The following PDE3B variants were observed in gnomAD, a reference collection of about 807,000 sequenced individuals.
PDE3B encodes the protein cGMP-inhibited 3',5'-cyclic phosphodiesterase 3B.
A neutral mutation model predicts 116.8 loss-of-function variants in PDE3B; 66 were observed. That is an observed-to-expected ratio of 0.56 (90% CI 0.46 to 0.69). The LOEUF (loss-of-function observed/expected upper bound fraction) is 0.69, where lower values mean the gene tolerates loss of function less well. Among genes scored for constraint, PDE3B ranks in the 30% least tolerant of loss-of-function variants. The pLI is 0.00. For synonymous variants in PDE3B, 595 were observed against 533.6 expected, an observed-to-expected ratio of 1.12 and a Z score of -1.59; for missense variants, 1,384 against 1,368.1, an observed-to-expected ratio of 1.01 and a Z score of -0.18.
chr11:14,694,286 T>C (rs534046586), intron 1 of PDE3B, among the ~76,000 whole-genome samples: 5 of 152,256 alleles, frequency 3.3e-5, no homozygotes, highest in East Asian at 1.9e-4. Flanking sequence ...TTTGAGAAAA[T>C]TGACTCCAAT....
intron 5 of PDE3B, among the ~76,000 whole-genome samples, chr11:14,805,920 T>C (rs1858905668): frequency 1.3e-5 from 2 of 152,094 alleles, no homozygotes; most frequent in South Asian, 2.1e-4. Context: ...ATCAGAGAAA[T>C]GCAAATCAAA....
chr11:14,742,359 T>C (rs184108155), intron 1 of PDE3B, among the ~76,000 whole-genome samples: 1 of 152,318 alleles, frequency 6.6e-6, no homozygotes, highest in African/African-American at 2.4e-5. Context: ...ATATCCTTTC[T>C]TCCACTTGAT....
chr11:14,677,905 G>T (rs1182282800), intron 1 of PDE3B, among the ~76,000 whole-genome samples: 2 of 152,148 alleles, frequency 1.3e-5, no homozygotes, highest in Non-Finnish European at 2.9e-5. Context: ...TTGATTGGAT[G>T]TACCTGTTTA....
intron 1 of PDE3B, among the ~76,000 whole-genome samples, chr11:14,658,739 A>G (rs145287467): frequency 4.2e-4 from 64 of 152,122 alleles, no homozygotes; most frequent in Non-Finnish European, 8.1e-4. Flanking sequence ...GCCTTTGTTC[A>G]TTTGTTTCTT....
At chr11:14,735,966 G>C (rs1856586286) in intron 1 of PDE3B, among the ~76,000 whole-genome samples, 1 of 148,932 alleles carries the variant, frequency 6.7e-6, no homozygotes, top group East Asian at 1.9e-4. Flanking sequence ...GGTTGTGTGT[G>C]TGTGTGTGTG....
At chr11:14,778,033 C>T (rs538115271) in intron 2 of PDE3B, among the ~76,000 whole-genome samples, 3 of 152,258 alleles carry the variant, frequency 2.0e-5, no homozygotes, top group East Asian at 1.9e-4. Flanking sequence ...GTGCCTGGCT[C>T]GGGGGGTTCC....
chr11:14,787,650 A>AT (rs1227576501), intron 3 of PDE3B, among the ~76,000 whole-genome samples: 2 of 151,868 alleles, frequency 1.3e-5, no homozygotes, highest in African/African-American at 4.8e-5. Flanking sequence ...TGATACTTTT[A>AT]TTTTTTTAAA....
the PDE3B span, chr11:14,885,977 T>C: frequency 4.5e-6 from 7 of 1,544,540 alleles, no homozygotes; most frequent in South Asian, 7.8e-5. Context: ...AATATAACCA[T>C]GGAAATCTAC....
At chr11:14,741,271 G>A (rs1268218007) in intron 1 of PDE3B, among the ~76,000 whole-genome samples, 1 of 152,092 alleles carries the variant, frequency 6.6e-6, no homozygotes, top group South Asian at 2.1e-4. Flanking sequence ...TTGGTATTAT[G>A]AATCTGGGTG....
chr11:14,681,779 T>C (rs1854717570), intron 1 of PDE3B, among the ~76,000 whole-genome samples: 1 of 152,172 alleles, frequency 6.6e-6, no homozygotes, highest in Admixed American at 6.5e-5. Flanking sequence ...AATTCACTTA[T>C]TAGTTCTAGA....
At chr11:14,738,390 T>C (rs917990072) in intron 1 of PDE3B, among the ~76,000 whole-genome samples, 4 of 152,266 alleles carry the variant, frequency 2.6e-5, no homozygotes, top group Admixed American at 2.6e-4. Context: ...CTTTCTGTCA[T>C]ATGTCTGTTG....
intron 1 of PDE3B, among the ~76,000 whole-genome samples, chr11:14,711,211 A>G (rs1351339216): frequency 1.3e-5 from 2 of 152,226 alleles, no homozygotes; most frequent in Non-Finnish European, 2.9e-5. Context: ...CTCTGATTAA[A>G]GATATAATGG....
rs781883242 is a variant in PDE3B at position 14,859,239 on chromosome 11, A to G, written c.2717A>G (p.Asn906Ser). 1.9e-6 allele frequency: 3 copies of G among 1,607,892 alleles called. No individual in the cohort carries two copies. The highest frequency in any genetic ancestry group is 1.3e-5 in the African/African-American group (1 of 74,702). The change falls in exon 13 of 16, where the codon AAT (asparagine) becomes AGT (serine). Residue 906 changes from asparagine (N) to serine (S), a missense_variant. Coordinates refer to ENST00000282096, the MANE Select transcript of PDE3B (RefSeq NM_000922.4). ...CATTTTGATTTTCTCGCAGAATTCA[A>G]TGCCAAGGTTTGTTATGAAAATTAG... ...KKHFDFLAEF[N>S]AKANDVNSNG...
rs562218631 is a variant in PDE3B at position 14,739,026 on chromosome 11, C to A, written c.979-32911C>A. ...GTAGCCTTGTAATATAGTTTGAAGT[C>A]AGGTAGTGTGATGCCTCCAGCTTTG... On this transcript the variant is annotated intron_variant, in intron 1 of 15. Coordinates refer to ENST00000282096, the MANE Select transcript of PDE3B (RefSeq NM_000922.4). 1.4e-3 allele frequency among the ~76,000 whole-genome samples: 208 copies of A among 152,292 alleles called. 1 individual carries two copies. Among genetic ancestry groups the A allele is most frequent in the African/African-American group, 4.6e-3 (193 of 41,560 alleles).
intron 1 of PDE3B, among the ~76,000 whole-genome samples, chr11:14,646,899 ACTT>A (rs1342773191): frequency 6.6e-6 from 1 of 152,066 alleles, no homozygotes; most frequent in African/African-American, 2.4e-5. Context: ...TTCACATTCT[ACTT>A]CTAATAGGAA....
rs1376124563 is a variant in PDE3B at position 14,870,237 on chromosome 11, C to A, written c.*577C>A. ...GTTTATCCATGAAGGACTGAGTGAC[C>A]TTTGTTGTATTTAACAAAATCCAGG... On this transcript the variant is annotated 3_prime_UTR_variant, in exon 16 of 16. Transcript: ENST00000282096. This position sits in a 1 kb window ranked among gnomAD's most constrained non-coding sequence, Gnocchi z 4.1. The A allele has an allele frequency of 6.6e-6, 1 of 152,350 alleles. No homozygotes were observed. The highest frequency in any genetic ancestry group is 1.5e-5 in the Non-Finnish European group (1 of 68,042). 9.4% of individuals were successfully genotyped at this position (152,350 alleles called of 1,614,324 possible).
chr11:14,703,513 T>C (rs557339073), intron 1 of PDE3B, among the ~76,000 whole-genome samples: 1 of 151,804 alleles, frequency 6.6e-6, no homozygotes, highest in Admixed American at 6.6e-5. Context: ...ATGTCCTTTT[T>C]CTTCTCCTTT....
intron 1 of PDE3B, among the ~76,000 whole-genome samples, chr11:14,710,228 A>G (rs1855660587): frequency 6.6e-6 from 1 of 152,206 alleles, no homozygotes; most frequent in Admixed American, 6.5e-5. Flanking sequence ...GTGCTCCTTC[A>G]ATGAGATAGT....
chr11:14,759,551 T>TG (rs1857294869), intron 1 of PDE3B, among the ~76,000 whole-genome samples: 1 of 149,922 alleles, frequency 6.7e-6, no homozygotes, highest in African/African-American at 2.5e-5. Context: ...AGAAGTAGTT[T>TG]TTTTTTTTTT....
Sources: allele counts gnomAD v4.1 joint callset (sites outside exome capture counted in the v4.1 genomes callset), GRCh38; gene constraint gnomAD v4.1.1; non-coding constraint Gnocchi (gnomAD v3.1); transcripts MANE v1.5; gene names NCBI Gene and HGNC (gene_info 2026-07-23, HGNC 2026-07-21).